The following ZNF423 variants were observed in gnomAD, a reference collection of about 807,000 sequenced individuals.
ZNF423 encodes the protein zinc finger protein 423, also known as Ebf-associated zinc finger protein.
A neutral mutation model predicts 95.8 loss-of-function variants in ZNF423; 12 were observed. The observed-to-expected ratio is 0.13, with a 90% CI of 0.08 to 0.20. The LOEUF is 0.20. Among genes scored for constraint, ZNF423 ranks in the 10% least tolerant of loss-of-function variants. The pLI is 1.00. For synonymous variants in ZNF423, 749 were observed against 711.9 expected (o/e 1.05, Z -0.83); for missense variants, 1,316 against 1,737.1 (o/e 0.76, Z 4.31).
chr16:49,785,148 C>T (rs1426759099), intron 2 of ZNF423, among the ~76,000 whole-genome samples: 2 of 152,134 alleles, frequency 1.3e-5, no homozygotes. Context: ...ATGATCATAA[C>T]TCACCGTAAC....
At chr16:49,828,040 C>A (rs2035024673) in intron 1 of ZNF423, among the ~76,000 whole-genome samples, 1 of 152,226 alleles carries the variant, frequency 6.6e-6, no homozygotes, top group Non-Finnish European at 1.5e-5. Flanking sequence ...TTCGTTGACT[C>A]TTCTCCGATT....
intron 3 of ZNF423, among the ~76,000 whole-genome samples, chr16:49,663,806 C>T (rs2030380361): frequency 6.6e-6 from 1 of 152,134 alleles, no homozygotes; most frequent in Non-Finnish European, 1.5e-5. Flanking sequence ...AGGGTGCACC[C>T]CAGGGCCCTC....
chr16:49,649,524 G>C (rs1235195680), intron 3 of ZNF423, among the ~76,000 whole-genome samples: 2 of 151,816 alleles, frequency 1.3e-5, no homozygotes, highest in African/African-American at 2.4e-5. Flanking sequence ...TTTTCCAAAG[G>C]GTGTAGAGGT....
At chr16:49,791,033 GTCT>G (rs143788386) in intron 1 of ZNF423, among the ~76,000 whole-genome samples, 2,388 of 152,238 alleles carry the variant, frequency 0.016, 57 homozygotes, top group African/African-American at 0.055. Flanking sequence ...TGTAACCATG[GTCT>G]TCCTCCTCCC....
At chr16:49,804,467 G>A (rs1016021186) in intron 1 of ZNF423, among the ~76,000 whole-genome samples, 4 of 151,916 alleles carry the variant, frequency 2.6e-5, no homozygotes, top group Admixed American at 6.6e-5. Flanking sequence ...AGGTAGCCTC[G>A]CCCCACCCAG....
chr16:49,710,573 C>T (rs933443493), intron 3 of ZNF423, among the ~76,000 whole-genome samples: 2 of 152,214 alleles, frequency 1.3e-5, no homozygotes, highest in East Asian at 3.9e-4. Flanking sequence ...GCATCCTCTC[C>T]ATCCCCGGCA....
rs1378653294 is a variant in ZNF423 at position 49,804,178 on chromosome 16, G to A, written c.41-14632C>T. On this transcript the variant is annotated intron_variant, in intron 1 of 7. Transcript: ENST00000563137. ...TTGAACTCCTGACCTCAGGTGATCTGCCCATCTCGGCCTCCCAAAGTGCTG... is the reference window on the plus strand; with the variant it reads ...TTGAACTCCTGACCTCAGGTGATCTACCCATCTCGGCCTCCCAAAGTGCTG... Among the ~76,000 whole-genome samples the A allele has an allele frequency of 4.6e-5, 7 of 152,102 alleles. 1 individual carries two copies. The South Asian group carries it at 1.3e-3, about 27-fold the overall frequency.
intron 2 of ZNF423, among the ~76,000 whole-genome samples, chr16:49,751,174 T>C (rs934246397): frequency 6.6e-6 from 1 of 152,172 alleles, no homozygotes; most frequent in African/African-American, 2.4e-5. Context: ...ACAAGACTGT[T>C]TGACAGCCTC....
intron 5 of ZNF423, among the ~76,000 whole-genome samples, chr16:49,560,477 G>A (rs1486280950): frequency 6.6e-6 from 1 of 152,230 alleles, no homozygotes; most frequent in Non-Finnish European, 1.5e-5. Flanking sequence ...ATGAAGTCCA[G>A]TTTGGGCTAT....
intron 3 of ZNF423, among the ~76,000 whole-genome samples, chr16:49,680,396 T>C (rs1346608628): frequency 6.6e-6 from 1 of 152,226 alleles, no homozygotes; most frequent in Non-Finnish European, 1.5e-5. Flanking sequence ...ACTTGGTACG[T>C]GCTGAATGGC....
intron 5 of ZNF423, among the ~76,000 whole-genome samples, chr16:49,581,798 C>T (rs1157041748): frequency 6.6e-6 from 1 of 152,092 alleles, no homozygotes; most frequent in East Asian, 1.9e-4. Flanking sequence ...TTAAGCAAGG[C>T]TCGAGGAATG....
At chr16:49,518,037 G>GTT (rs1968225927) in intron 7 of ZNF423, 1 of 451,164 alleles carries the variant, frequency 2.2e-6, no homozygotes, top group Non-Finnish European at 4.4e-6. Flanking sequence ...TCCTGGTGAT[G>GTT]ATATTGGCGG....
rs919578341 is a variant in ZNF423, at chr16:49,839,426, A to C, written c.40+16309T>G. Among the ~76,000 whole-genome samples the C allele has an allele frequency of 7.9e-5, 12 of 152,302 alleles. 1 individual carries two copies. Among genetic ancestry groups the C allele is most frequent in the Admixed American group, 7.8e-4 (12 of 15,308 alleles). Reference sequence around the variant, plus strand: ...TCAGATGGGGGTGGGAACGTGGTCCAGTGCCAGGCACAGGGAGCAGTGCAG... The same window carrying C: ...TCAGATGGGGGTGGGAACGTGGTCCCGTGCCAGGCACAGGGAGCAGTGCAG... On this transcript the variant is annotated intron_variant, in intron 1 of 7. Coordinates refer to ENST00000563137, the MANE Select transcript of ZNF423 (RefSeq NM_001379286.1).
intron 5 of ZNF423, among the ~76,000 whole-genome samples, chr16:49,562,846 T>C (rs1970062581): frequency 6.6e-6 from 1 of 152,056 alleles, no homozygotes; most frequent in Non-Finnish European, 1.5e-5. Flanking sequence ...TGGCACAACC[T>C]CGGCTCACTG....
chr16:49,769,958 C>T (rs934985606), intron 2 of ZNF423, among the ~76,000 whole-genome samples: 1 of 152,050 alleles, frequency 6.6e-6, no homozygotes, highest in African/African-American at 2.4e-5. Context: ...CCCAACACAG[C>T]CGGCCCTCTC....
intron 1 of ZNF423, among the ~76,000 whole-genome samples, chr16:49,825,730 T>C (rs372086881): frequency 3.9e-5 from 6 of 152,290 alleles, no homozygotes; most frequent in African/African-American, 1.2e-4. Context: ...ACCAGGGGAC[T>C]CTCTTGCTGG....
At chr16:49,506,308 G>C (rs117454318) in intron 7 of ZNF423, among the ~76,000 whole-genome samples, 24 of 152,114 alleles carry the variant, frequency 1.6e-4, no homozygotes, top group Non-Finnish European at 3.5e-4. Context: ...TGGGTATGGG[G>C]GAATGGATGG....
intron 2 of ZNF423, among the ~76,000 whole-genome samples, chr16:49,766,628 G>A (rs556565428): frequency 2.6e-5 from 4 of 152,224 alleles, no homozygotes; most frequent in Non-Finnish European, 5.9e-5. Context: ...CTACAGGCCT[G>A]AGCCTGAGCC....
chr16:49,488,765 CT>C lies in ZNF423; in HGVS notation c.*2509del, dbSNP rs1966878809. 6.6e-6 allele frequency: 1 copy of C among 152,204 alleles called. No individual in the cohort carries two copies. The highest frequency in any genetic ancestry group is 6.5e-5 in the Admixed American group (1 of 15,278). 9.4% of individuals were successfully genotyped at this position (152,204 alleles called of 1,614,324 possible). Reference sequence around the variant, plus strand: ...TTCTCCGAGGCACAGGTTTATAACCCTACACTGCTCCCCAACCCTAATACCA... The same window carrying C: ...TTCTCCGAGGCACAGGTTTATAACCCACACTGCTCCCCAACCCTAATACCA... On this transcript the variant is annotated 3_prime_UTR_variant, in exon 8 of 8. Transcript: ENST00000563137.
Sources: allele counts gnomAD v4.1 joint callset (sites outside exome capture counted in the v4.1 genomes callset), GRCh38; gene constraint gnomAD v4.1.1; transcripts MANE v1.5; gene names NCBI Gene and HGNC (gene_info 2026-07-23, HGNC 2026-07-21).